Variants in TMEM8B observed in about 807,000 individuals in gnomAD.
TMEM8B encodes transmembrane protein 8B.
Under a neutral mutation model 49.3 loss-of-function variants are expected in TMEM8B, and 29 were observed. The observed-to-expected ratio is 0.59, with a 90% CI of 0.44 to 0.80. TMEM8B has a LOEUF of 0.80. Among genes scored for constraint, TMEM8B ranks in the 30% least tolerant of loss-of-function variants. TMEM8B has a pLI of 0.00. For synonymous variants in TMEM8B, 264 were observed against 272.8 expected, an observed-to-expected ratio of 0.97 and a Z score of 0.32; for missense variants, 575 against 658.5, an observed-to-expected ratio of 0.87 and a Z score of 1.39.
In TMEM8B at chr9:35,853,108, G is replaced by A; in HGVS notation, c.2323-33G>A. The A allele has an allele frequency of 6.2e-7, 1 of 1,610,560 alleles. No individual in the cohort carries two copies. Among genetic ancestry groups the A allele is most frequent in the South Asian group, 1.1e-5 (1 of 90,992 alleles). ...GCCCTGGAGTGCTGTCTGTCACCTG[G>A]CCCTAGCCCAGCCCTTGAGTCTCTT... On this transcript the variant is annotated intron_variant, in intron 11 of 12. Transcript: ENST00000643932. This position sits in a 1 kb window ranked among gnomAD's most constrained non-coding sequence, Gnocchi z 4.2.
rs140265815 is a variant in TMEM8B, at chr9:35,846,511, C to G, written c.1896C>G (p.Arg632=). 4.1e-5 allele frequency: 66 copies of G among 1,593,976 alleles called. No homozygotes were observed. In the African/African-American group the frequency reaches 8.6e-4, roughly 21 times the overall value. The change falls in exon 9 of 13, where the codon CGC becomes CGG. Residue 632 remains arginine (R), a synonymous_variant. Transcript: ENST00000643932. The part of the protein sequence containing the change: ...CRNATAEVRM[R]TFLSPCVDDC... ...ACGCGACGGCCGAGGTGCGGATGCG[C>G]ACCTTCCTGTCCCCATGCGTGGACG...
chr9:35,842,478 C>G lies in TMEM8B; in HGVS notation c.1396C>G (p.Pro466Ala). 1 of 1,598,298 alleles carries G rather than the reference C, an allele frequency of 6.3e-7. No homozygotes were observed. Among genetic ancestry groups the G allele is most frequent in the Non-Finnish European group, 8.5e-7 (1 of 1,169,674 alleles). ...PQSLGNQPLP[P>A]EPPSLGTPAE... ...GTCCCTGGGCAACCAGCCACTGCCC[C>G]CAGAACCGCCATCCCTTGGAACCCC... The change falls in exon 6 of 13, where the codon CCA becomes GCA. Residue 466 changes from proline to alanine, a missense_variant. Transcript: ENST00000643932. This position sits in a 1 kb window ranked among gnomAD's most constrained non-coding sequence, Gnocchi z 5.6.
intron 3 of TMEM8B, among the ~76,000 whole-genome samples, chr9:35,839,350 T>C (rs571192259): frequency 2.4e-4 from 37 of 152,356 alleles, no homozygotes; most frequent in African/African-American, 8.7e-4. Flanking sequence ...TTCTGGCCTC[T>C]TGGCTCAGCT....
rs749330727 is a variant in TMEM8B at position 35,852,881 on chromosome 9, G to A, written c.2230G>A (p.Asp744Asn). The A allele has an allele frequency of 7.4e-6, 12 of 1,614,074 alleles. No homozygotes were observed. Among genetic ancestry groups the A allele is most frequent in the East Asian group, 2.2e-5 (1 of 44,890 alleles). The change falls in exon 11 of 13, where the codon GAT becomes AAT. Residue 744 changes from aspartate to asparagine, a missense_variant. Asp to Asn is a conservative substitution (Grantham distance 23). Coordinates refer to ENST00000643932, the MANE Select transcript of TMEM8B (RefSeq NM_001042590.4). ...CGTGGTTTTCTGCATCATGGACTAC[G>A]ATGTGCTGCAGTTCTGTGATTTCCT... ...GIVVFCIMDY[D>N]VLQFCDFLGS...
At chr9:35,835,441 G>C (rs893058107) in intron 3 of TMEM8B, 1 of 381,960 alleles carries the variant, frequency 2.6e-6, no homozygotes, top group African/African-American at 2.1e-5. Flanking sequence ...GCTGGGTCCA[G>C]GTAAGCTGAA....
intron 6 of TMEM8B, among the ~76,000 whole-genome samples, chr9:35,845,075 A>G (rs1237480126): frequency 6.6e-6 from 1 of 152,138 alleles, no homozygotes; most frequent in African/African-American, 2.4e-5. Context: ...GTTGTATGAA[A>G]CTCACTCTTG....
rs141655050 is a variant in TMEM8B, at chr9:35,842,622, G to A, written c.1540G>A (p.Ala514Thr). 3.1e-4 allele frequency: 499 copies of A among 1,614,186 alleles called. 2 individuals are homozygous for A. In the African/African-American group the frequency reaches 6.0e-3, roughly 19 times the overall value. Residue 514 changes from alanine (A) to threonine (T), a missense_variant, in exon 6 of 13, where the codon GCC becomes ACC. Transcript: ENST00000643932. The surrounding 1 kb of genome is among the most constrained non-coding windows in gnomAD (Gnocchi z 5.6). Reference sequence around the variant, plus strand: ...CTACATCTTCTTTGGCCCAAGTGTGGCCCTTCCCCCTGAGCGCCCAGCCGT... The same window carrying A: ...CTACATCTTCTTTGGCCCAAGTGTGACCCTTCCCCCTGAGCGCCCAGCCGT... ...HFYIFFGPSV[A>T]LPPERPAVFA...
rs934868389 is a variant in TMEM8B, at chr9:35,864,295, G to A, written c.*10455G>A. The A allele has an allele frequency of 6.6e-6, 1 of 152,186 alleles. No individual in the cohort carries two copies. Among genetic ancestry groups the A allele is most frequent in the Non-Finnish European group, 1.5e-5 (1 of 68,040 alleles). 9.4% of individuals were successfully genotyped at this position (152,186 alleles called of 1,614,324 possible). ...AACTGACATATCAGTCTCATTGTCT[G>A]GTAAATCTAATTTTAACCACTTAAT... On this transcript the variant is annotated 3_prime_UTR_variant, in exon 13 of 13. Transcript: ENST00000643932.
At position 35,829,628 on chromosome 9, in the gene TMEM8B, C is replaced by G. The variant is rs1356705605; in HGVS notation, c.181C>G (p.Leu61Val). Residue 61 changes from leucine (L) to valine (V), a missense_variant, in exon 1 of 13, where the codon CTG (leucine) becomes GTG (valine). Transcript: ENST00000643932. ...CCGGCCTCGGCCCTCGTTCCACCCCCTGTCACAAATCCCAGCCCAGGCCCT... is the reference window on the plus strand; with the variant it reads ...CCGGCCTCGGCCCTCGTTCCACCCCGTGTCACAAATCCCAGCCCAGGCCCT... ...PSRPRPSFHP[L>V]SQIPAQALSQ... is the part of the protein sequence containing the mutation. The G allele has an allele frequency of 7.5e-6, 3 of 400,420 alleles. No homozygotes were observed. The East Asian group carries it at 1.1e-4, about 14-fold the overall frequency. 24.8% of individuals were successfully genotyped at this position (400,420 alleles called of 1,614,324 possible).
In TMEM8B at chr9:35,855,640, CGCCTCG is replaced by C. The variant is rs558221807; in HGVS notation, c.*1806_*1811del. On this transcript the variant is annotated 3_prime_UTR_variant, in exon 13 of 13. Transcript: ENST00000643932. ...AACTCCCGGCCTCAGGTGATCCACC[CGCCTCG>C]GCCTCCCAAAGTGCTGGGATTACAG... The C allele has an allele frequency of 5.3e-5, 8 of 152,354 alleles. No homozygotes were observed. Among genetic ancestry groups the C allele is most frequent in the African/African-American group, 1.9e-4 (8 of 41,550 alleles). The allele number at this position is 152,354 out of a possible 1,614,324, so 9.4% of individuals were successfully genotyped here. A position where few individuals can be genotyped will look rare whatever the true frequency, so the allele number is the denominator to read the frequency against.
chr9:35,846,125 G>T lies in TMEM8B; in HGVS notation c.1729+57G>T, dbSNP rs1418327681. On this transcript the variant is annotated intron_variant, in intron 7 of 12. Coordinates refer to ENST00000643932, the MANE Select transcript of TMEM8B (RefSeq NM_001042590.4). ...TGCAGTGTGGGGGTGGTGGTGGCGG[G>T]CAGAGGTGAAGGTGGGGAGGGATGG... 9 of 1,610,292 alleles carry T rather than the reference G, an allele frequency of 5.6e-6. No homozygotes were observed. The South Asian group carries it at 9.9e-5, about 18-fold the overall frequency.
chr9:35,853,841 G>C lies in TMEM8B; in HGVS notation c.*1G>C, dbSNP rs766752968. ...TGTCAGCAGCATCTGTGCCAGCTGA[G>C]AGGGGCTTTGGGCCTGGCCCTGAGG... is the stretch of plus-strand genomic sequence containing the variant. On this transcript the variant is annotated 3_prime_UTR_variant, in exon 13 of 13. Transcript: ENST00000643932. The surrounding 1 kb of genome is among the most constrained non-coding windows in gnomAD (Gnocchi z 4.2). 37 of 1,532,772 alleles carry C rather than the reference G, an allele frequency of 2.4e-5. No individual in the cohort carries two copies. The highest frequency in any genetic ancestry group is 3.0e-5 in the Non-Finnish European group (34 of 1,144,618). 94.9% of individuals were successfully genotyped at this position (1,532,772 alleles called of 1,614,324 possible).
chr9:35,837,517 T>C (rs1830557034), intron 3 of TMEM8B, among the ~76,000 whole-genome samples: 1 of 151,790 alleles, frequency 6.6e-6, no homozygotes, highest in African/African-American at 2.4e-5. Context: ...GTTGGGGTGG[T>C]GAGGAAGGTA....
chr9:35,846,432 G>T, intron 8 of TMEM8B, 37 bp from the exon 9 acceptor site: 1 of 1,598,148 alleles, frequency 6.3e-7, no homozygotes, highest in Non-Finnish European at 8.5e-7. Context: ...TGGCGGGGGT[G>T]GCCCGGGGCC....
In TMEM8B at chr9:35,847,690, C is replaced by T. The variant is rs118099370; in HGVS notation, c.2175+695C>T. On this transcript the variant is annotated intron_variant, in intron 10 of 12. Transcript: ENST00000643932. Reference sequence around the variant, plus strand: ...GGAAGTGGCAGTGTCATATCACATCCCAGCTCAAAGGAGTGCATTTTGATG... The same window carrying T: ...GGAAGTGGCAGTGTCATATCACATCTCAGCTCAAAGGAGTGCATTTTGATG... Among the ~76,000 whole-genome samples, 1,194 of 152,270 alleles carry T rather than the reference C, an allele frequency of 7.8e-3. 26 individuals are homozygous for T. Among genetic ancestry groups the T allele is most frequent in the East Asian group, 0.069 (357 of 5,190 alleles).
intron 10 of TMEM8B, among the ~76,000 whole-genome samples, chr9:35,847,549 T>G (rs531087050): frequency 6.6e-6 from 1 of 152,180 alleles, no homozygotes; most frequent in African/African-American, 2.4e-5. Flanking sequence ...CACCTTGATT[T>G]CTCATGAGAA....
At chr9:35,833,583 C>T (rs766872987) in intron 1 of TMEM8B, among the ~76,000 whole-genome samples, 7 of 152,182 alleles carry the variant, frequency 4.6e-5, no homozygotes, top group Non-Finnish European at 8.8e-5. Context: ...TGAGGGATGA[C>T]CACTTCCTCC....
chr9:35,833,593 C>T (rs560676904), intron 1 of TMEM8B, among the ~76,000 whole-genome samples: 43 of 152,310 alleles, frequency 2.8e-4, no homozygotes, highest in Admixed American at 1.0e-3. Context: ...CCACTTCCTC[C>T]CCACCTCCCA....
chr9:35,836,847 C>T (rs1025550216), intron 3 of TMEM8B, among the ~76,000 whole-genome samples: 8 of 152,310 alleles, frequency 5.3e-5, no homozygotes, highest in East Asian at 1.9e-4. Context: ...ACCGTGCCCA[C>T]GAGTGGCAGT....
Sources: allele counts gnomAD v4.1 joint callset (sites outside exome capture counted in the v4.1 genomes callset), GRCh38; gene constraint gnomAD v4.1.1; non-coding constraint Gnocchi (gnomAD v3.1); transcripts MANE v1.5; gene names NCBI Gene and HGNC (gene_info 2026-07-23, HGNC 2026-07-21).